NTM: variants seen among roughly 807,000 people sequenced by gnomAD.
The protein encoded by NTM is neurotrimin.
Under a neutral mutation model 42.1 loss-of-function variants are expected in NTM, and 13 were observed. The ratio of observed to expected loss-of-function variants is 0.31; its 90% CI spans 0.20 to 0.49. The LOEUF (loss-of-function observed/expected upper bound fraction) is 0.49, where lower values mean the gene tolerates loss of function less well. NTM is among the 20% of genes least tolerant of loss of function. NTM has a pLI of 0.99. For missense variants in NTM, 373 were observed against 452.8 expected (o/e 0.82, Z 1.60); for synonymous variants, 187 against 179.2 (o/e 1.04, Z -0.35).
chr11:131,597,546 G>A (rs1243225044), intron 1 of NTM, among the ~76,000 whole-genome samples: 1 of 152,106 alleles, frequency 6.6e-6, no homozygotes, highest in African/African-American at 2.4e-5. Flanking sequence ...GGCCTAAGGC[G>A]CGCAAGTTCC....
chr11:131,627,977 A>T (rs913428936), intron 1 of NTM, among the ~76,000 whole-genome samples: 1 of 152,158 alleles, frequency 6.6e-6, no homozygotes, highest in African/African-American at 2.4e-5. Flanking sequence ...GAGAAGAAGG[A>T]TTTCTCACTC....
chr11:131,883,009 G>C (rs964711323), intron 1 of NTM, among the ~76,000 whole-genome samples: 2 of 152,164 alleles, frequency 1.3e-5, no homozygotes, highest in Non-Finnish European at 2.9e-5. Flanking sequence ...ACATAAAGTT[G>C]ATGACATATC....
At chr11:131,383,727 G>A (rs925999444) in intron 1 of NTM, among the ~76,000 whole-genome samples, 3 of 152,326 alleles carry the variant, frequency 2.0e-5, no homozygotes, top group African/African-American at 4.8e-5. Flanking sequence ...GCATTGAAGC[G>A]TTGTATGCCT....
chr11:131,558,050 G>A (rs916938458), intron 1 of NTM, among the ~76,000 whole-genome samples: 5 of 152,160 alleles, frequency 3.3e-5, no homozygotes, highest in Admixed American at 1.3e-4. Context: ...ACCAGGAAGC[G>A]CCTTAATGAA....
At chr11:132,311,170 T>C (rs1456673042) in intron 6 of NTM, among the ~76,000 whole-genome samples, 1 of 152,200 alleles carries the variant, frequency 6.6e-6, no homozygotes, top group African/African-American at 2.4e-5. Context: ...CCGCCCACGC[T>C]GTGTGCACGT....
chr11:131,906,056 A>G (rs1014313804), intron 1 of NTM, among the ~76,000 whole-genome samples: 1 of 152,186 alleles, frequency 6.6e-6, no homozygotes, highest in African/African-American at 2.4e-5. Flanking sequence ...GACAAACCCA[A>G]TAGCACTAGA....
intron 1 of NTM, among the ~76,000 whole-genome samples, chr11:131,711,024 A>G (rs1239317500): frequency 6.6e-6 from 1 of 152,054 alleles, no homozygotes; most frequent in African/African-American, 2.4e-5. Flanking sequence ...CTCTCAAAAA[A>G]CCCTAGAAGA....
At chr11:132,316,128 C>G (rs567558603) in intron 7 of NTM, among the ~76,000 whole-genome samples, 1 of 151,774 alleles carries the variant, frequency 6.6e-6, no homozygotes, top group South Asian at 2.1e-4. Context: ...CGCCACCCCC[C>G]ACTTTGACCT....
chr11:132,106,728 G>C (rs563154895), intron 2 of NTM, among the ~76,000 whole-genome samples: 1 of 152,172 alleles, frequency 6.6e-6, no homozygotes, highest in Non-Finnish European at 1.5e-5. Flanking sequence ...TCCAGGGCTC[G>C]GGTGATCGTG....
chr11:132,047,854 C>T (rs2078234275), intron 2 of NTM, among the ~76,000 whole-genome samples: 3 of 152,188 alleles, frequency 2.0e-5, no homozygotes, highest in Admixed American at 2.0e-4. Flanking sequence ...ATATTACATC[C>T]TTGACCTGTG....
At chr11:131,610,845 AG>A (rs1375491735) in intron 1 of NTM, among the ~76,000 whole-genome samples, 4 of 152,228 alleles carry the variant, frequency 2.6e-5, no homozygotes, top group Non-Finnish European at 4.4e-5. Flanking sequence ...TGCTGGACCA[AG>A]GAGTTTAGAC....
intron 1 of NTM, among the ~76,000 whole-genome samples, chr11:131,408,203 C>A (rs562604298): frequency 2.0e-5 from 3 of 152,276 alleles, no homozygotes; most frequent in South Asian, 2.1e-4. Context: ...ATGGCCAACA[C>A]CCTCCCCGGC....
intron 1 of NTM, among the ~76,000 whole-genome samples, chr11:131,599,057 G>A (rs558941547): frequency 6.6e-6 from 1 of 152,054 alleles, no homozygotes; most frequent in Admixed American, 6.6e-5. Flanking sequence ...TGGGATTACA[G>A]GCGTGTGCCA....
At chr11:131,687,537 G>A (rs2074050330) in intron 1 of NTM, among the ~76,000 whole-genome samples, 1 of 152,200 alleles carries the variant, frequency 6.6e-6, no homozygotes, top group Admixed American at 6.5e-5. Context: ...CCGGCGTCCC[G>A]CCTTGCCTGT....
chr11:132,190,285 C>A (rs1249228306), intron 3 of NTM, among the ~76,000 whole-genome samples: 3 of 152,006 alleles, frequency 2.0e-5, no homozygotes, highest in African/African-American at 7.3e-5. Flanking sequence ...GGCCAGGAAG[C>A]TATGTGAGGT....
At chr11:131,733,326 T>C (rs1311218688) in intron 1 of NTM, among the ~76,000 whole-genome samples, 1 of 152,162 alleles carries the variant, frequency 6.6e-6, no homozygotes, top group African/African-American at 2.4e-5. Flanking sequence ...GATAGTCCAG[T>C]CCTCTCTTTC....
intron 1 of NTM, among the ~76,000 whole-genome samples, chr11:131,763,907 T>G (rs934853697): frequency 7.9e-5 from 12 of 151,984 alleles, no homozygotes; most frequent in African/African-American, 2.7e-4. Context: ...TCAAGACATG[T>G]AAGTTTTATT....
chr11:131,604,797 T>C (rs531296698), intron 1 of NTM, among the ~76,000 whole-genome samples: 1 of 152,022 alleles, frequency 6.6e-6, no homozygotes, highest in South Asian at 2.1e-4. Flanking sequence ...CTAGCATCAG[T>C]TTTTAACAAA....
intron 1 of NTM, among the ~76,000 whole-genome samples, chr11:131,599,071 C>T (rs1371422002): frequency 1.3e-5 from 2 of 151,924 alleles, no homozygotes; most frequent in African/African-American, 4.8e-5. Context: ...TGTGCCACCA[C>T]GCCTGGCTAG....
Sources: gnomAD v4.1 joint callset for allele counts (sites outside exome capture counted in the v4.1 genomes callset) on GRCh38, gnomAD v4.1.1 for gene constraint, MANE v1.5 for transcripts, NCBI Gene and HGNC (gene_info 2026-07-23, HGNC 2026-07-21) for gene names.